SLC26A7: variants seen among roughly 807,000 people sequenced by gnomAD.
SLC26A7 encodes solute carrier family 26 member 7, also known as anion exchange transporter.
SLC26A7 carries 59 observed loss-of-function variants against 82.5 expected under a neutral mutation model. The ratio of observed to expected loss-of-function variants is 0.72; its 90% CI spans 0.58 to 0.89. SLC26A7 has a LOEUF of 0.89. Ranked by LOEUF, SLC26A7 falls within the 40% of genes least tolerant of loss-of-function variation. SLC26A7 has a pLI of 0.00. For missense variants in SLC26A7, 820 were observed against 793.0 expected (o/e 1.03, Z -0.41); for synonymous variants, 271 against 274.3 (o/e 0.99, Z 0.12).
chr8:91,312,024 A>C (rs1477041767), intron 4 of SLC26A7, among the ~76,000 whole-genome samples: 3 of 152,266 alleles, frequency 2.0e-5, no homozygotes, highest in East Asian at 3.9e-4. Context: ...TTGAGGTCCC[A>C]AATTTTTATT....
intron 18 of SLC26A7, chr8:91,394,538 A>G: frequency 7.8e-7 from 1 of 1,285,254 alleles, no homozygotes; most frequent in East Asian, 3.3e-5. Context: ...TTAGTTTTAC[A>G]ACTGTTCTTA....
At chr8:91,315,749 A>C (rs571061826) in intron 4 of SLC26A7, among the ~76,000 whole-genome samples, 1 of 152,332 alleles carries the variant, frequency 6.6e-6, no homozygotes, top group South Asian at 2.1e-4. Flanking sequence ...TAGAAAATGT[A>C]GTGTGGCCCT....
intron 1 of SLC26A7, among the ~76,000 whole-genome samples, chr8:91,210,414 T>C (rs1411547639): frequency 2.0e-5 from 3 of 152,162 alleles, no homozygotes; most frequent in Non-Finnish European, 4.4e-5. Context: ...AATAGCTATC[T>C]TTGTATATTT....
rs1189256969 is a variant in SLC26A7 at position 91,397,801 on chromosome 8, C to A, written c.*2704C>A. The A allele has an allele frequency of 6.6e-6, 1 of 152,100 alleles. No individual in the cohort carries two copies. The highest frequency in any genetic ancestry group is 1.5e-5 in the Non-Finnish European group (1 of 67,862). The allele number at this position is 152,100 out of a possible 1,614,324, so 9.4% of individuals were successfully genotyped here. ...AATGAAAACATTAATGTGTTAATAC[C>A]CTGTATGGATAATGCTTGACATTTA... On this transcript the variant is annotated 3_prime_UTR_variant, in exon 19 of 19. Transcript: ENST00000276609.
intron 5 of SLC26A7, among the ~76,000 whole-genome samples, chr8:91,325,576 A>T (rs1812909495): frequency 6.6e-6 from 1 of 152,082 alleles, no homozygotes; most frequent in Non-Finnish European, 1.5e-5. Flanking sequence ...TCTGCTGCTG[A>T]TGTTGAAGGC....
At chr8:91,281,248 A>G (rs1437030914) in intron 2 of SLC26A7, among the ~76,000 whole-genome samples, 2 of 152,250 alleles carry the variant, frequency 1.3e-5, no homozygotes, top group Non-Finnish European at 2.9e-5. Flanking sequence ...CATACAAAAC[A>G]TAAGTCTGAG....
chr8:91,231,379 G>A (rs1194696566), intron 2 of SLC26A7, among the ~76,000 whole-genome samples: 1 of 152,102 alleles, frequency 6.6e-6, no homozygotes, highest in Non-Finnish European at 1.5e-5. Context: ...CTTAGATGTT[G>A]TAGTCTCAGA....
At chr8:91,374,461 T>A (rs2130885986) in intron 15 of SLC26A7, among the ~76,000 whole-genome samples, 1 of 152,154 alleles carries the variant, frequency 6.6e-6, no homozygotes, top group African/African-American at 2.4e-5. Context: ...TACTTTTGAT[T>A]TCTACCTCAA....
intron 5 of SLC26A7, among the ~76,000 whole-genome samples, chr8:91,322,731 A>C (rs2130814434): frequency 6.6e-6 from 1 of 152,336 alleles, no homozygotes; most frequent in East Asian, 1.9e-4. Context: ...ACTGCTCTAA[A>C]TAATTATGTA....
chr8:91,380,859 G>C (rs947092058), intron 15 of SLC26A7, among the ~76,000 whole-genome samples: 10 of 152,144 alleles, frequency 6.6e-5, no homozygotes, highest in Non-Finnish European at 1.2e-4. Flanking sequence ...AATATTGTTT[G>C]TAACTGTCCA....
intron 2 of SLC26A7, among the ~76,000 whole-genome samples, chr8:91,277,210 C>G (rs1261578950): frequency 6.6e-6 from 1 of 152,178 alleles, no homozygotes; most frequent in Non-Finnish European, 1.5e-5. Context: ...AATATTCTCT[C>G]TACCTGTTTG....
intron 2 of SLC26A7, among the ~76,000 whole-genome samples, chr8:91,251,850 G>T (rs1350147445): frequency 6.6e-6 from 1 of 152,096 alleles, no homozygotes; most frequent in Non-Finnish European, 1.5e-5. Flanking sequence ...AATGTTATTA[G>T]TAATAGAAGA....
At chr8:91,277,598 A>G (rs537605144) in intron 2 of SLC26A7, among the ~76,000 whole-genome samples, 1 of 152,284 alleles carries the variant, frequency 6.6e-6, no homozygotes, top group African/African-American at 2.4e-5. Context: ...ATGGACATAA[A>G]ATAGAACTCA....
intron 14 of SLC26A7, among the ~76,000 whole-genome samples, chr8:91,367,404 T>C (rs1187156068): frequency 1.3e-5 from 2 of 152,238 alleles, no homozygotes; most frequent in Non-Finnish European, 2.9e-5. Flanking sequence ...ACTGTTGCAA[T>C]CATTTTAATA....
Position 91,351,815 on chromosome 8 carries a change from T to A in SLC26A7, c.1146T>A (p.Ala382=). Reference sequence around the variant, plus strand: ...GTCTGTCTTGTATTTTACAGGTGGCTTGTCTAATATCTTGCATTTTCGTCC... The same window carrying A: ...GTCTGTCTTGTATTTTACAGGTGGCATGTCTAATATCTTGCATTTTCGTCC... ...LYSTGAKTQV[A]CLISCIFVLI... Residue 382 remains alanine (A), a synonymous_variant, in exon 10 of 19, where the codon GCT becomes GCA. Transcript: ENST00000276609. The A allele has an allele frequency of 6.2e-7, 1 of 1,609,806 alleles. No homozygotes were observed.
At chr8:91,388,943 G>A (rs1814878575) in intron 15 of SLC26A7, among the ~76,000 whole-genome samples, 1 of 151,968 alleles carries the variant, frequency 6.6e-6, no homozygotes, top group African/African-American at 2.4e-5. Flanking sequence ...TACCTACTAA[G>A]GAAACATTGT....
chr8:91,389,272 T>G, intron 15 of SLC26A7, 66 bp from the exon 16 acceptor site: 1 of 1,152,178 alleles, frequency 8.7e-7, no homozygotes, highest in Non-Finnish European at 1.3e-6. Flanking sequence ...CTCCCACCAG[T>G]CAACAAAGCC....
At chr8:91,338,093 G>C in intron 6 of SLC26A7, 57 bp from the exon 7 acceptor site, 1 of 1,249,122 alleles carries the variant, frequency 8.0e-7, no homozygotes, top group South Asian at 1.5e-5. Context: ...TTGTTTTAAG[G>C]TGTTTGAGAG....
chr8:91,284,838 G>A (rs895408224), intron 2 of SLC26A7, among the ~76,000 whole-genome samples: 1 of 152,184 alleles, frequency 6.6e-6, no homozygotes, highest in African/African-American at 2.4e-5. Context: ...GAAGTACAAA[G>A]GTTGTAATAT....
Sources: gnomAD v4.1 joint callset for allele counts (sites outside exome capture counted in the v4.1 genomes callset) on GRCh38, gnomAD v4.1.1 for gene constraint, MANE v1.5 for transcripts, NCBI Gene and HGNC (gene_info 2026-07-23, HGNC 2026-07-21) for gene names.